CAMKMT: variants seen among roughly 807,000 people sequenced by gnomAD.
The protein encoded by CAMKMT is calmodulin-lysine N-methyltransferase, also known as CaM KMT.
A neutral mutation model predicts 48.0 loss-of-function variants in CAMKMT; 53 were observed. The observed-to-expected ratio is 1.10, with a 90% CI of 0.89 to 1.39. The LOEUF (loss-of-function observed/expected upper bound fraction) is 1.39. Among genes scored for constraint, CAMKMT ranks in the 40% most tolerant of loss-of-function variants. CAMKMT has a pLI of 0.00. For missense variants in CAMKMT, 428 were observed against 402.7 expected, an observed-to-expected ratio of 1.06 and a Z score of -0.54; for synonymous variants, 165 against 152.3, an observed-to-expected ratio of 1.08 and a Z score of -0.61.
intron 3 of CAMKMT, among the ~76,000 whole-genome samples, chr2:44,556,943 G>A (rs1178662428): frequency 6.6e-6 from 1 of 152,108 alleles, no homozygotes; most frequent in Non-Finnish European, 1.5e-5. Context: ...ATACAAGTGA[G>A]GATGATGTAA....
chr2:44,679,481 C>G (rs1448200233), intron 3 of CAMKMT, among the ~76,000 whole-genome samples: 1 of 152,164 alleles, frequency 6.6e-6, no homozygotes, highest in South Asian at 2.1e-4. Context: ...GATTACTAGT[C>G]AGGCTTCTAG....
At chr2:44,443,443 T>C (rs1309726146) in intron 3 of CAMKMT, among the ~76,000 whole-genome samples, 1 of 152,190 alleles carries the variant, frequency 6.6e-6, no homozygotes, top group Non-Finnish European at 1.5e-5. Context: ...CTGTCATCTT[T>C]GGGGTATGTA....
intron 3 of CAMKMT, among the ~76,000 whole-genome samples, chr2:44,615,830 G>A (rs576616002): frequency 6.6e-6 from 1 of 152,262 alleles, no homozygotes; most frequent in Non-Finnish European, 1.5e-5. Context: ...GGCTCTGAAA[G>A]ATGAGAGATG....
At chr2:44,489,154 C>A (rs527298891) in intron 3 of CAMKMT, among the ~76,000 whole-genome samples, 6 of 151,852 alleles carry the variant, frequency 4.0e-5, no homozygotes, top group African/African-American at 1.5e-4. Context: ...ACAGGCATGA[C>A]CCACCAACGC....
At chr2:44,602,762 G>A (rs901543122) in intron 3 of CAMKMT, among the ~76,000 whole-genome samples, 7 of 152,006 alleles carry the variant, frequency 4.6e-5, no homozygotes, top group Non-Finnish European at 1.0e-4. Context: ...TCACAAACAT[G>A]AGAATAGCAT....
rs749808237 is a variant in CAMKMT, at chr2:44,446,113, A to T, written c.376+55808A>T. The stretch of plus-strand genomic sequence containing the variant: ...AGGTGTGTGCTACCACACCCGGCTA[A>T]TTTTTTGTATTTTTAGTAGAGATGG... On this transcript the variant is annotated intron_variant, in intron 3 of 10. Transcript: ENST00000378494. Among the ~76,000 whole-genome samples the T allele has an allele frequency of 3.3e-5, 5 of 151,988 alleles. No homozygotes were observed. The South Asian group carries it at 1.0e-3, about 32-fold the overall frequency.
intron 3 of CAMKMT, among the ~76,000 whole-genome samples, chr2:44,684,328 A>AT (rs1260176204): frequency 6.6e-6 from 1 of 152,110 alleles, no homozygotes; most frequent in African/African-American, 2.4e-5. Context: ...GAATTTTTGT[A>AT]TTTTTCCTAA....
chr2:44,611,400 T>C (rs1162673262), intron 3 of CAMKMT, among the ~76,000 whole-genome samples: 1 of 150,732 alleles, frequency 6.6e-6, no homozygotes, highest in African/African-American at 2.4e-5. Flanking sequence ...GCCATTGCAC[T>C]CCAGACTGGG....
intron 10 of CAMKMT, 107 bp downstream of exon 10, chr2:44,766,668 G>A: frequency 1.7e-6 from 2 of 1,206,320 alleles, no homozygotes; most frequent in Non-Finnish European, 2.3e-6. Flanking sequence ...GTACTCCTTA[G>A]ATGTGTTGCT....
At chr2:44,614,254 G>A (rs1671750804) in intron 3 of CAMKMT, among the ~76,000 whole-genome samples, 1 of 152,176 alleles carries the variant, frequency 6.6e-6, no homozygotes, top group Non-Finnish European at 1.5e-5. Context: ...AGAGAGATGG[G>A]TTTATGGAAA....
chr2:44,456,641 T>C, intron 3 of CAMKMT: 1 of 1,544,098 alleles, frequency 6.5e-7, no homozygotes. Context: ...ATGGTAAATA[T>C]GCCTGGGGAG....
At chr2:44,559,049 A>G (rs547707070) in intron 3 of CAMKMT, among the ~76,000 whole-genome samples, 1 of 151,550 alleles carries the variant, frequency 6.6e-6, no homozygotes, top group African/African-American at 2.4e-5. Context: ...TCTATCTATC[A>G]TCTATCTAGA....
At position 44,653,190 on chromosome 2, in the gene CAMKMT, G is replaced by T. The variant is rs555283419; in HGVS notation, c.377-51093G>T. On this transcript the variant is annotated intron_variant, in intron 3 of 10. Coordinates refer to ENST00000378494, the MANE Select transcript of CAMKMT (RefSeq NM_024766.5). The surrounding 1 kb of genome is among the most constrained non-coding windows in gnomAD (Gnocchi z 5.2). The stretch of plus-strand genomic sequence containing the variant: ...TTATTATTTCTCACTTCACTAGCTC[G>T]TGAGCTCCTTTAAAGCAAGGGACAT... Among the ~76,000 whole-genome samples, 1 of 151,946 alleles carries T rather than the reference G, an allele frequency of 6.6e-6. No homozygotes were observed. The highest frequency in any genetic ancestry group is 1.9e-4 in the East Asian group (1 of 5,184).
intron 3 of CAMKMT, among the ~76,000 whole-genome samples, chr2:44,605,343 T>C (rs550381851): frequency 6.6e-6 from 1 of 152,310 alleles, no homozygotes; most frequent in African/African-American, 2.4e-5. Flanking sequence ...CTTTACAAAC[T>C]GTAGCACATT....
chr2:44,602,863 G>A (rs1232748314), intron 3 of CAMKMT, among the ~76,000 whole-genome samples: 1 of 151,872 alleles, frequency 6.6e-6, no homozygotes, highest in Admixed American at 6.6e-5. Context: ...ATTTGGGTGG[G>A]GACACAGAGA....
chr2:44,717,792 G>C (rs1678248181), intron 7 of CAMKMT, among the ~76,000 whole-genome samples: 1 of 151,040 alleles, frequency 6.6e-6, no homozygotes, highest in Non-Finnish European at 1.5e-5. Context: ...AGATGTATAA[G>C]CTGAAAGGAA....
At chr2:44,427,204 A>T (rs978140989) in intron 3 of CAMKMT, among the ~76,000 whole-genome samples, 1 of 152,242 alleles carries the variant, frequency 6.6e-6, no homozygotes, top group Non-Finnish European at 1.5e-5. Context: ...AACCATAAAA[A>T]TTCTAGTAGA....
rs536297011 is a variant in CAMKMT at position 44,730,690 on chromosome 2, T to C, written c.624-12932T>C. 1.2e-4 allele frequency among the ~76,000 whole-genome samples: 19 copies of C among 152,190 alleles called. No individual in the cohort carries two copies. In the South Asian group the frequency reaches 4.0e-3, roughly 32 times the overall value. ...AAAACTCTATAAAAGATAAGGAAAA[T>C]TGGAGGAGAAAGTGGCAAATAGGAA... On this transcript the variant is annotated intron_variant, in intron 7 of 10. Transcript: ENST00000378494.
rs189810305 is a variant in CAMKMT, at chr2:44,748,792, G to A, written c.698+5096G>A. ...CTCGGGAGACTGAGGCAGGAGAATG[G>A]CATGAACCCGGGAGGCGGAGCTTGC... is the stretch of plus-strand genomic sequence containing the variant. On this transcript the variant is annotated intron_variant, in intron 8 of 10. Coordinates refer to ENST00000378494, the MANE Select transcript of CAMKMT (RefSeq NM_024766.5). 1.6e-4 allele frequency among the ~76,000 whole-genome samples: 25 copies of A among 152,236 alleles called. No individual in the cohort carries two copies. The East Asian group carries it at 4.8e-3, about 29-fold the overall frequency.
Sources: allele counts gnomAD v4.1 joint callset (sites outside exome capture counted in the v4.1 genomes callset), GRCh38; gene constraint gnomAD v4.1.1; non-coding constraint Gnocchi (gnomAD v3.1); transcripts MANE v1.5; gene names NCBI Gene and HGNC (gene_info 2026-07-23, HGNC 2026-07-21).